ADAMTSL1: variants seen among roughly 807,000 people sequenced by gnomAD.
ADAMTSL1 encodes ADAMTS like 1.
In ADAMTSL1, 126 loss-of-function variants were observed where a neutral mutation model predicts 201.8. That is an observed-to-expected ratio of 0.62 (90% confidence interval 0.54 to 0.72). The LOEUF is 0.72. Among genes scored for constraint, ADAMTSL1 ranks in the 30% least tolerant of loss-of-function variants. The pLI is 0.00. For missense variants in ADAMTSL1, 2,679 were observed against 2,277.8 expected (o/e 1.18, Z -3.59); for synonymous variants, 1,121 against 903.4 (o/e 1.24, Z -4.32).
At chr9:18,614,721 A>G (rs191911373) in intron 4 of ADAMTSL1, among the ~76,000 whole-genome samples, 5 of 152,194 alleles carry the variant, frequency 3.3e-5, no homozygotes, top group Non-Finnish European at 7.4e-5. Context: ...ACCTATATGT[A>G]TTCGTAATAG....
At chr9:18,813,379 A>G (rs772421869) in intron 20 of ADAMTSL1, among the ~76,000 whole-genome samples, 1 of 152,160 alleles carries the variant, frequency 6.6e-6, no homozygotes, top group African/African-American at 2.4e-5. Flanking sequence ...TTGTATTTTC[A>G]CAGGGATTGC....
chr9:18,818,390 T>G (rs940602951), intron 21 of ADAMTSL1, among the ~76,000 whole-genome samples: 21 of 152,302 alleles, frequency 1.4e-4, no homozygotes, highest in Admixed American at 3.9e-4. Context: ...TTATAAGACA[T>G]GAAAACCCAT....
At chr9:18,404,047 T>C (rs1295257659) in intron 2 of ADAMTSL1, among the ~76,000 whole-genome samples, 3 of 152,192 alleles carry the variant, frequency 2.0e-5, no homozygotes, top group African/African-American at 7.2e-5. Flanking sequence ...CATCATTTTA[T>C]GGCTTACAAT....
chr9:18,275,668 G>C (rs1442634260), intron 2 of ADAMTSL1, among the ~76,000 whole-genome samples: 1 of 152,130 alleles, frequency 6.6e-6, no homozygotes, highest in Admixed American at 6.5e-5. Context: ...AGGGCCATCT[G>C]TCATCTTTAA....
intron 28 of ADAMTSL1, 46 bp downstream of exon 28, chr9:18,906,958 A>G (rs1422203798): frequency 2.5e-6 from 4 of 1,605,672 alleles, no homozygotes; most frequent in South Asian, 1.1e-5. Flanking sequence ...CCCATAGAGC[A>G]TCGAGTGCAG....
At chr9:18,122,126 G>C (rs994661429) in intron 1 of ADAMTSL1, among the ~76,000 whole-genome samples, 3 of 152,130 alleles carry the variant, frequency 2.0e-5, no homozygotes, top group African/African-American at 7.2e-5. Flanking sequence ...TTGACATGGA[G>C]TCCATTTAAA....
intron 20 of ADAMTSL1, among the ~76,000 whole-genome samples, chr9:18,797,948 T>C (rs550343186): frequency 6.6e-6 from 1 of 152,314 alleles, no homozygotes; most frequent in African/African-American, 2.4e-5. Context: ...GTATGTGTCT[T>C]AACACTGAGA....
At chr9:18,806,250 G>C (rs1823109942) in intron 20 of ADAMTSL1, among the ~76,000 whole-genome samples, 1 of 152,182 alleles carries the variant, frequency 6.6e-6, no homozygotes, top group South Asian at 2.1e-4. Context: ...CTCACATAAA[G>C]TCTAAAAGAA....
chr9:18,190,955 G>A (rs1456619823), intron 2 of ADAMTSL1, among the ~76,000 whole-genome samples: 3 of 152,180 alleles, frequency 2.0e-5, no homozygotes, highest in African/African-American at 7.2e-5. Context: ...TGGCCTACAG[G>A]TGTCAAAATA....
chr9:18,588,523 A>C (rs12551569), intron 4 of ADAMTSL1, among the ~76,000 whole-genome samples: 16 of 152,230 alleles, frequency 1.1e-4, no homozygotes, highest in Admixed American at 9.8e-4. Context: ...TATCCAAAAA[A>C]TCTTTGCCCA....
chr9:18,197,057 T>C (rs1251753916), intron 2 of ADAMTSL1, among the ~76,000 whole-genome samples: 1 of 152,158 alleles, frequency 6.6e-6, no homozygotes, highest in Non-Finnish European at 1.5e-5. Context: ...TTGTATACTT[T>C]TGTTTTCCTC....
intron 2 of ADAMTSL1, among the ~76,000 whole-genome samples, chr9:18,279,721 T>G (rs1832712851): frequency 6.6e-6 from 1 of 152,168 alleles, no homozygotes; most frequent in Non-Finnish European, 1.5e-5. Flanking sequence ...TACACAGATT[T>G]TTTTTCTTTA....
chr9:18,249,603 T>G (rs951489230), intron 2 of ADAMTSL1, among the ~76,000 whole-genome samples: 1 of 152,244 alleles, frequency 6.6e-6, no homozygotes, highest in African/African-American at 2.4e-5. Flanking sequence ...CCTACTGTTA[T>G]TGTTTCATGC....
At chr9:18,157,693 A>G (rs1242280703) in intron 1 of ADAMTSL1, among the ~76,000 whole-genome samples, 1 of 152,054 alleles carries the variant, frequency 6.6e-6, no homozygotes, top group Non-Finnish European at 1.5e-5. Flanking sequence ...GTAGAAGAAC[A>G]AACAGAATAC....
At chr9:18,456,164 A>T (rs1820594249) in intron 2 of ADAMTSL1, among the ~76,000 whole-genome samples, 2 of 152,142 alleles carry the variant, frequency 1.3e-5, no homozygotes, top group Admixed American at 6.5e-5. Context: ...ATTATTAATC[A>T]TCTTCATTGA....
chr9:18,410,938 T>A (rs917775146), intron 2 of ADAMTSL1, among the ~76,000 whole-genome samples: 2 of 151,214 alleles, frequency 1.3e-5, no homozygotes, highest in African/African-American at 4.9e-5. Flanking sequence ...ATCTCCCAGG[T>A]TCAAGCGATT....
chr9:18,247,832 G>A (rs1039578502), intron 2 of ADAMTSL1, among the ~76,000 whole-genome samples: 3 of 152,128 alleles, frequency 2.0e-5, no homozygotes, highest in Non-Finnish European at 4.4e-5. Flanking sequence ...ACAAGTGTAT[G>A]TGGAAAGGGC....
intron 3 of ADAMTSL1, among the ~76,000 whole-genome samples, chr9:18,571,505 G>T (rs908278573): frequency 6.6e-6 from 1 of 152,132 alleles, no homozygotes; most frequent in Non-Finnish European, 1.5e-5. Context: ...GGGATGATAG[G>T]TACTATCAAA....
chr9:18,571,097 A>G (rs1417641), intron 3 of ADAMTSL1, among the ~76,000 whole-genome samples: 96,202 of 152,018 alleles, frequency 0.63, 30,636 homozygotes, highest in East Asian at 0.77. Flanking sequence ...GGAAAGGTGG[A>G]AAGAACCAAC....
Sources: allele counts gnomAD v4.1 joint callset (sites outside exome capture counted in the v4.1 genomes callset), GRCh38; gene constraint gnomAD v4.1.1; transcripts MANE v1.5; gene names NCBI Gene and HGNC (gene_info 2026-07-23, HGNC 2026-07-21).